Variants in TMCC1 observed in about 807,000 individuals in gnomAD.
The protein encoded by TMCC1 is transmembrane and coiled-coil domains protein 1.
Under a neutral mutation model 52.4 loss-of-function variants are expected in TMCC1, and 15 were observed. The observed-to-expected ratio is 0.29, with a 90% CI of 0.19 to 0.44. The LOEUF is 0.44. Ranked by LOEUF, TMCC1 falls within the 20% of genes least tolerant of loss-of-function variation. TMCC1 has a pLI of 1.00. For missense variants in TMCC1, 503 were observed against 806.0 expected, an observed-to-expected ratio of 0.62 and a Z score of 4.55; for synonymous variants, 279 against 301.9, an observed-to-expected ratio of 0.92 and a Z score of 0.79.
At chr3:129,712,373 A>C (rs1470163789) in intron 4 of TMCC1, among the ~76,000 whole-genome samples, 1 of 152,212 alleles carries the variant, frequency 6.6e-6, no homozygotes, top group East Asian at 1.9e-4. Flanking sequence ...TTGCTTTTAA[A>C]ATCAAATATA....
In TMCC1 at chr3:129,674,266, G is replaced by A. The variant is rs190486333; in HGVS notation, c.577-3002C>T. ...CTAGGCTGTCTTTAATCTGACTTCCGTCCTACTTGGGCTGTTTGGAGCCAT... is the reference window on the plus strand; with the variant it reads ...CTAGGCTGTCTTTAATCTGACTTCCATCCTACTTGGGCTGTTTGGAGCCAT... On this transcript the variant is annotated intron_variant, in intron 4 of 6. Coordinates refer to ENST00000393238, the MANE Select transcript of TMCC1 (RefSeq NM_001017395.5). Among the ~76,000 whole-genome samples the A allele has an allele frequency of 2.4e-3, 371 of 152,204 alleles. 1 individual carries two copies. The highest frequency in any genetic ancestry group is 4.6e-3 in the Non-Finnish European group (312 of 68,012).
chr3:129,775,056 G>A (rs926509611), intron 4 of TMCC1, among the ~76,000 whole-genome samples: 4 of 152,306 alleles, frequency 2.6e-5, no homozygotes, highest in Admixed American at 6.5e-5. Flanking sequence ...GCTGGGGACA[G>A]AGACAAGAGT....
intron 2 of TMCC1, among the ~76,000 whole-genome samples, chr3:129,865,718 T>C (rs2060592934): frequency 6.6e-6 from 1 of 152,132 alleles, no homozygotes; most frequent in South Asian, 2.1e-4. Flanking sequence ...GGAAGACATG[T>C]TTCAGAAGTA....
At position 129,680,719 on chromosome 3, in the gene TMCC1, G is replaced by T. The variant is rs369943354; in HGVS notation, c.577-9455C>A. On this transcript the variant is annotated intron_variant, in intron 4 of 6. Coordinates refer to ENST00000393238, the MANE Select transcript of TMCC1 (RefSeq NM_001017395.5). ...AGTTCGAGACCAGCCTGGCCAACAT[G>T]GCGAAACCCTGTCTCTACTAAAAAT... is the stretch of plus-strand genomic sequence containing the variant. Among the ~76,000 whole-genome samples, 7 of 152,224 alleles carry T rather than the reference G, an allele frequency of 4.6e-5. No individual in the cohort carries two copies. In the East Asian group the frequency reaches 1.4e-3, roughly 29 times the overall value.
intron 1 of TMCC1, among the ~76,000 whole-genome samples, chr3:129,884,592 AT>A (rs2061606486): frequency 6.6e-6 from 1 of 152,220 alleles, no homozygotes; most frequent in Admixed American, 6.5e-5. Context: ...CACAGTCAAT[AT>A]TATTTCTTCT....
intron 4 of TMCC1, among the ~76,000 whole-genome samples, chr3:129,784,859 G>A (rs944105842): frequency 6.6e-6 from 1 of 151,934 alleles, no homozygotes; most frequent in Non-Finnish European, 1.5e-5. Flanking sequence ...AGCTACTTGA[G>A]AGGCTGAGGG....
chr3:129,813,982 CTTAT>C (rs2057970637), intron 4 of TMCC1, among the ~76,000 whole-genome samples: 2 of 125,328 alleles, frequency 1.6e-5, no homozygotes, highest in African/African-American at 4.4e-5. Flanking sequence ...GTTCTTTTTC[CTTAT>C]TTTTTTTTTT....
At chr3:129,723,279 T>C (rs985349530) in intron 4 of TMCC1, among the ~76,000 whole-genome samples, 3 of 152,220 alleles carry the variant, frequency 2.0e-5, no homozygotes, top group African/African-American at 4.8e-5. Context: ...TATGTGTATA[T>C]TGCTTTACAA....
intron 4 of TMCC1, among the ~76,000 whole-genome samples, chr3:129,755,136 CAT>C (rs1178371233): frequency 2.0e-5 from 3 of 151,682 alleles, no homozygotes; most frequent in Admixed American, 1.3e-4. Flanking sequence ...GCACCAAAAA[CAT>C]ATGATAAAGA....
At chr3:129,702,172 C>T (rs957546957) in intron 4 of TMCC1, among the ~76,000 whole-genome samples, 2 of 150,968 alleles carry the variant, frequency 1.3e-5, no homozygotes, top group African/African-American at 2.4e-5. Flanking sequence ...TAACTTTGTC[C>T]GGAATTATAA....
chr3:129,817,206 G>C (rs981373155), intron 4 of TMCC1, among the ~76,000 whole-genome samples: 19 of 152,088 alleles, frequency 1.2e-4, no homozygotes, highest in African/African-American at 2.4e-5. Context: ...AAGCACATTT[G>C]AATCAGGTTT....
intron 4 of TMCC1, among the ~76,000 whole-genome samples, chr3:129,787,694 T>G (rs1329596080): frequency 6.6e-6 from 1 of 152,192 alleles, no homozygotes; most frequent in East Asian, 1.9e-4. Flanking sequence ...GCTTTCAGAA[T>G]AGTATGCTTA....
intron 2 of TMCC1, among the ~76,000 whole-genome samples, chr3:129,868,224 T>G (rs2060747046): frequency 6.6e-6 from 1 of 152,124 alleles, no homozygotes; most frequent in Non-Finnish European, 1.5e-5. Flanking sequence ...CATACTATTG[T>G]TTACCAATAA....
rs755903867 is a variant in TMCC1, at chr3:129,828,133, A to G, written c.246T>C (p.Asp82=). The stretch of plus-strand genomic sequence containing the variant: ...CAGCACATGCGTTCTGGCTTTCCAG[A>G]TCCATTTCAGGTTCTGGATCTGCCT... ...QIQADPEPEM[D]LESQNACAEI... is the part of the protein sequence containing the mutation. The change falls in exon 4 of 7, where the codon GAT becomes GAC. Residue 82 remains aspartate, a synonymous_variant. Coordinates refer to ENST00000393238, the MANE Select transcript of TMCC1 (RefSeq NM_001017395.5). This position sits in a 1 kb window ranked among gnomAD's most constrained non-coding sequence, Gnocchi z 4.1. The G allele has an allele frequency of 1.2e-6, 2 of 1,614,154 alleles. No individual in the cohort carries two copies. Among genetic ancestry groups the G allele is most frequent in the South Asian group, 2.2e-5 (2 of 91,090 alleles).
chr3:129,726,638 G>A (rs2050107130), intron 4 of TMCC1, among the ~76,000 whole-genome samples: 1 of 151,754 alleles, frequency 6.6e-6, no homozygotes, highest in Non-Finnish European at 1.5e-5. Flanking sequence ...CAGCACTTTA[G>A]GAAGGCGAGG....
At chr3:129,718,383 A>G (rs1379872346) in intron 4 of TMCC1, among the ~76,000 whole-genome samples, 1 of 152,252 alleles carries the variant, frequency 6.6e-6, no homozygotes, top group East Asian at 1.9e-4. Flanking sequence ...AGTGCATGTG[A>G]CACTAATCAC....
chr3:129,710,524 T>C (rs965564725), intron 4 of TMCC1, among the ~76,000 whole-genome samples: 20 of 152,160 alleles, frequency 1.3e-4, no homozygotes, highest in African/African-American at 4.8e-4. Flanking sequence ...CTTTAAAGAC[T>C]GAGGACTAGT....
chr3:129,849,435 C>G (rs1458701198), intron 2 of TMCC1, among the ~76,000 whole-genome samples: 1 of 150,774 alleles, frequency 6.6e-6, no homozygotes, highest in Non-Finnish European at 1.5e-5. Context: ...GCACTCCAAC[C>G]TGGGCAACAG....
At chr3:129,690,500 G>T (rs138719217) in intron 4 of TMCC1, among the ~76,000 whole-genome samples, 158 of 152,294 alleles carry the variant, frequency 1.0e-3, no homozygotes, top group African/African-American at 3.4e-3. Flanking sequence ...TTCCAGTGCT[G>T]CTTCTCTTTC....
Sources: allele counts gnomAD v4.1 joint callset (sites outside exome capture counted in the v4.1 genomes callset), GRCh38; gene constraint gnomAD v4.1.1; non-coding constraint Gnocchi (gnomAD v3.1); transcripts MANE v1.5; gene names NCBI Gene and HGNC (gene_info 2026-07-23, HGNC 2026-07-21).